COL9A1: variants seen among roughly 807,000 people sequenced by gnomAD.
The protein encoded by COL9A1 is collagen type IX alpha 1 chain.
COL9A1 carries 104 observed loss-of-function variants against 142.6 expected under a neutral mutation model. That is an observed-to-expected ratio of 0.73 (90% confidence interval 0.62 to 0.86). COL9A1 has a LOEUF of 0.86. Ranked by LOEUF, COL9A1 falls within the 40% of genes least tolerant of loss-of-function variation. The pLI is 0.00. For missense variants in COL9A1, 1,210 were observed against 1,176.6 expected (o/e 1.03, Z -0.42); for synonymous variants, 466 against 396.0 (o/e 1.18, Z -2.10).
rs61373051 is a variant in COL9A1, at chr6:70,267,327, G to GTTTTTTTTTTTTTTTTTTTT, written c.1288-558_1288-557insAAAAAAAAAAAAAAAAAAAA. 3.2e-3 allele frequency among the ~76,000 whole-genome samples: 407 copies of GTTTTTTTTTTTTTTTTTTTT among 126,986 alleles called. 14 individuals are homozygous for GTTTTTTTTTTTTTTTTTTTT. Among genetic ancestry groups the GTTTTTTTTTTTTTTTTTTTT allele is most frequent in the Non-Finnish European group, 4.5e-3 (269 of 60,076 alleles). 83.3% of individuals were successfully genotyped at this position (126,986 alleles called of 152,430 possible). A position where few individuals can be genotyped will look rare whatever the true frequency, so the allele number is the denominator to read the frequency against. ...TTGTTGTTGTTTGTTTGGTTTTTTT[G>GTTTTTTTTTTTTTTTTTTTT]TTTTTTTTTTTTGAGATGGAGCTTC... On this transcript the variant is annotated intron_variant, in intron 17 of 37. Coordinates refer to ENST00000357250, the MANE Select transcript of COL9A1 (RefSeq NM_001851.6).
intron 10 of COL9A1, chr6:70,280,051 G>A (rs1002251082): frequency 1.7e-5 from 12 of 691,850 alleles, no homozygotes; most frequent in Admixed American, 1.1e-4. Flanking sequence ...AGAATGCATG[G>A]AAAGAGGAGA....
chr6:70,290,043 G>A (rs778291506), intron 5 of COL9A1, among the ~76,000 whole-genome samples: 1 of 152,086 alleles, frequency 6.6e-6, no homozygotes, highest in Non-Finnish European at 1.5e-5. Flanking sequence ...AAACCAGTAA[G>A]TCTGTCCGAT....
At chr6:70,235,970 C>T (rs1264754575) in intron 33 of COL9A1, among the ~76,000 whole-genome samples, 6 of 151,480 alleles carry the variant, frequency 4.0e-5, no homozygotes, top group Non-Finnish European at 1.5e-5. Flanking sequence ...AAAAATTAGC[C>T]GGCGTAGTGG....
chr6:70,283,875 C>A, intron 5 of COL9A1, 55 bp from the exon 6 acceptor site: 1 of 1,278,090 alleles, frequency 7.8e-7, no homozygotes, highest in South Asian at 1.3e-5. Flanking sequence ...TGAAGCTGGT[C>A]ATTCAAGAGA....
intron 25 of COL9A1, among the ~76,000 whole-genome samples, chr6:70,253,970 T>A (rs977776860): frequency 6.6e-6 from 1 of 152,184 alleles, no homozygotes. Context: ...CTTTATTAAT[T>A]AGAAAGATTT....
chr6:70,279,720 C>A, intron 10 of COL9A1: 3 of 264,448 alleles, frequency 1.1e-5, no homozygotes, highest in Non-Finnish European at 2.1e-5. Flanking sequence ...TATAAACAAA[C>A]ACATTCATTA....
intron 17 of COL9A1, 93 bp downstream of exon 17, chr6:70,268,711 G>T: frequency 9.0e-7 from 1 of 1,114,174 alleles, no homozygotes. Context: ...TCATCCAAGT[G>T]GGGTCTCTGC....
At chr6:70,267,327 G>GGTT (rs757813161) in intron 17 of COL9A1, among the ~76,000 whole-genome samples, 1 of 127,028 alleles carries the variant, frequency 7.9e-6, no homozygotes, top group African/African-American at 3.0e-5. Context: ...TGGTTTTTTT[G>GGTT]TTTTTTTTTT....
intron 17 of COL9A1, among the ~76,000 whole-genome samples, chr6:70,267,597 C>T (rs2127587294): frequency 6.6e-6 from 1 of 152,286 alleles, no homozygotes; most frequent in Non-Finnish European, 1.5e-5. Context: ...GCTGGGATTA[C>T]AGGCGTGAGC....
intron 36 of COL9A1, among the ~76,000 whole-genome samples, chr6:70,227,488 A>G (rs1045962180): frequency 3.3e-5 from 5 of 151,216 alleles, no homozygotes; most frequent in Non-Finnish European, 5.9e-5. Flanking sequence ...AAAATTCCAA[A>G]GTTCAATTAA....
chr6:70,252,798 A>C (rs909220584), intron 26 of COL9A1, among the ~76,000 whole-genome samples: 1 of 152,198 alleles, frequency 6.6e-6, no homozygotes, highest in Non-Finnish European at 1.5e-5. Flanking sequence ...CCTCTCCACC[A>C]TCAATCTCAT....
At chr6:70,296,100 C>T (rs1250327503) in intron 4 of COL9A1, among the ~76,000 whole-genome samples, 1 of 152,108 alleles carries the variant, frequency 6.6e-6, no homozygotes, top group South Asian at 2.1e-4. Flanking sequence ...ATAAACAAAT[C>T]TTTAACTTCT....
chr6:70,297,153 C>T lies in COL9A1; in HGVS notation c.300-2590G>A, dbSNP rs558993242. 7.9e-5 allele frequency among the ~76,000 whole-genome samples: 12 copies of T among 152,142 alleles called. No individual in the cohort carries two copies. The East Asian group carries it at 2.1e-3, about 27-fold the overall frequency. On this transcript the variant is annotated intron_variant, in intron 4 of 37. Transcript: ENST00000357250. The stretch of plus-strand genomic sequence containing the variant: ...AGATTATGTTAAAGGTAGGAAAGAA[C>T]ATAATGTCTTAATTTATCTCTGACT...
At chr6:70,256,590 A>G (rs924955207) in intron 21 of COL9A1, among the ~76,000 whole-genome samples, 178 bp downstream of exon 21, 2 of 152,120 alleles carry the variant, frequency 1.3e-5, no homozygotes, top group Non-Finnish European at 2.9e-5. Flanking sequence ...TCAGAAGAAC[A>G]TTTCTATGTA....
intron 35 of COL9A1, among the ~76,000 whole-genome samples, chr6:70,234,293 AC>A (rs970525219): frequency 1.4e-5 from 2 of 138,490 alleles, no homozygotes; most frequent in Non-Finnish European, 3.4e-5. Flanking sequence ...TGGCAAAAAA[AC>A]AAAACAAAAC....
chr6:70,264,041 A>C (rs1455722394), intron 18 of COL9A1, among the ~76,000 whole-genome samples: 1 of 151,914 alleles, frequency 6.6e-6, no homozygotes, highest in Non-Finnish European at 1.5e-5. Flanking sequence ...ATTCATCCTT[A>C]ACATATACTA....
chr6:70,236,640 T>C (rs78100299), intron 33 of COL9A1, among the ~76,000 whole-genome samples: 2,589 of 152,290 alleles, frequency 0.017, 80 homozygotes, highest in African/African-American at 0.058. Context: ...AAATGTGCTT[T>C]TCCAATTTCG....
intron 30 of COL9A1, 52 bp downstream of exon 30, chr6:70,241,912 G>T: frequency 6.8e-7 from 1 of 1,472,794 alleles, no homozygotes; most frequent in Non-Finnish European, 9.3e-7. Context: ...TCTCAACATG[G>T]TAGAAATCAC....
chr6:70,226,770 C>G (rs1769255969), intron 36 of COL9A1, among the ~76,000 whole-genome samples: 1 of 151,384 alleles, frequency 6.6e-6, no homozygotes, highest in African/African-American at 2.4e-5. Context: ...AAAATATTGC[C>G]AGTTCTCCCC....
Sources: gnomAD v4.1 joint callset for allele counts (sites outside exome capture counted in the v4.1 genomes callset) on GRCh38, gnomAD v4.1.1 for gene constraint, MANE v1.5 for transcripts, NCBI Gene and HGNC (gene_info 2026-07-23, HGNC 2026-07-21) for gene names.